Variants in KNTC1 observed in about 807,000 individuals in gnomAD.
KNTC1 encodes the protein kinetochore-associated protein 1.
In KNTC1, 253 loss-of-function variants were observed where a neutral mutation model predicts 314.4. That is an observed-to-expected ratio of 0.80 (90% CI 0.73 to 0.89). KNTC1 has a LOEUF of 0.89. KNTC1 is among the 40% of genes least tolerant of loss of function. The probability of loss-of-function intolerance (pLI) is 0.00; values close to 1 mark genes in which losing one functional copy is unlikely to be tolerated. For synonymous variants in KNTC1, 901 were observed against 901.4 expected (o/e 1.00, Z 0.01); for missense variants, 2,475 against 2,572.9 (o/e 0.96, Z 0.82).
chr12:122,615,109 G>C (rs746566397), intron 56 of KNTC1, 23 bp downstream of exon 56: 1 of 1,516,868 alleles, frequency 6.6e-7, no homozygotes, highest in East Asian at 2.3e-5. Flanking sequence ...CAATGCCCTC[G>C]ACTAAGTATA....
Position 122,605,417 on chromosome 12 carries a change from T to G in KNTC1, c.5496+2T>G. 1 of 1,497,560 alleles carries G rather than the reference T, an allele frequency of 6.7e-7. No homozygotes were observed. The highest frequency in any genetic ancestry group is 9.2e-7 in the Non-Finnish European group (1 of 1,084,476). The allele number at this position is 1,497,560 out of a possible 1,614,324, so 92.8% of individuals were successfully genotyped here. A position where few individuals can be genotyped will look rare whatever the true frequency, so the allele number is the denominator to read the frequency against. On this transcript the variant is annotated splice_donor_variant, in intron 51 of 63. Coordinates refer to ENST00000333479, the MANE Select transcript of KNTC1 (RefSeq NM_014708.6). LOFTEE classifies it high-confidence loss of function. ...TGCCCTTCAACAAAACCTGGTGAAG[T>G]AAGTACTTGCTGCCCAAGAGTATCT... is the stretch of plus-strand genomic sequence containing the variant.
In KNTC1 at chr12:122,562,026, T is replaced by TA; in HGVS notation, c.1542+53dup. The TA allele has an allele frequency of 2.0e-6, 3 of 1,529,388 alleles. No homozygotes were observed. The South Asian group carries it at 3.6e-5, about 18-fold the overall frequency. 94.7% of individuals were successfully genotyped at this position (1,529,388 alleles called of 1,614,324 possible). A position where few individuals can be genotyped will look rare whatever the true frequency, so the allele number is the denominator to read the frequency against. On this transcript the variant is annotated intron_variant, in intron 19 of 63. Coordinates refer to ENST00000333479, the MANE Select transcript of KNTC1 (RefSeq NM_014708.6). The stretch of plus-strand genomic sequence containing the variant: ...TATGTGGGTGAATATACCTTTATAA[T>TA]ATGTTTTCCATTCAAAATAGACCCG...
chr12:122,580,856 G>A lies in KNTC1; in HGVS notation c.2982+186G>A, dbSNP rs569893232. Among the ~76,000 whole-genome samples, 246 of 152,064 alleles carry A rather than the reference G, an allele frequency of 1.6e-3. 3 individuals are homozygous for A. Among genetic ancestry groups the A allele is most frequent in the African/African-American group, 5.7e-3 (237 of 41,488 alleles). On this transcript the variant is annotated intron_variant, in intron 33 of 63. Transcript: ENST00000333479. ...ATCCTGGCTAACACGGTGAAACCCC[G>A]TCTCTACTAAAAATACAAAAAATTA... is the stretch of plus-strand genomic sequence containing the variant.
At chr12:122,564,009 G>A (rs1000097634) in intron 20 of KNTC1, among the ~76,000 whole-genome samples, 10 of 152,066 alleles carry the variant, frequency 6.6e-5, no homozygotes, top group African/African-American at 1.4e-4. Flanking sequence ...ACGGAGTCTC[G>A]CTCTATTGCC....
chr12:122,594,249 G>T (rs1401616208), intron 42 of KNTC1, 27 bp from the exon 43 acceptor site: 4 of 1,321,378 alleles, frequency 3.0e-6, no homozygotes, highest in Admixed American at 1.8e-5. Context: ...GGGTTTTTTT[G>T]CTTTGTTTTT....
chr12:122,623,116 A>G (rs993486810), intron 62 of KNTC1, among the ~76,000 whole-genome samples: 1 of 152,218 alleles, frequency 6.6e-6, no homozygotes, highest in Non-Finnish European at 1.5e-5. Flanking sequence ...TGACAATTAA[A>G]CAGGTCATCT....
chr12:122,540,675 ATAT>A (rs1364776991), intron 5 of KNTC1, among the ~76,000 whole-genome samples: 2 of 152,088 alleles, frequency 1.3e-5, no homozygotes, highest in African/African-American at 4.8e-5. Context: ...GGGCTTCAGT[ATAT>A]TATTATATTT....
chr12:122,549,474 C>G (rs1963036975), intron 12 of KNTC1, among the ~76,000 whole-genome samples: 1 of 152,140 alleles, frequency 6.6e-6, no homozygotes, highest in East Asian at 1.9e-4. Flanking sequence ...CTCAGCCTCC[C>G]CAGTAGCTGT....
intron 2 of KNTC1, among the ~76,000 whole-genome samples, chr12:122,533,315 C>T (rs139569760): frequency 1.8e-3 from 275 of 152,042 alleles, no homozygotes; most frequent in Non-Finnish European, 3.0e-3. Flanking sequence ...TACATGCGTC[C>T]GCCACCACGC....
chr12:122,535,520 A>G (rs1961727816), intron 3 of KNTC1, among the ~76,000 whole-genome samples: 1 of 152,112 alleles, frequency 6.6e-6, no homozygotes, highest in Non-Finnish European at 1.5e-5. Context: ...GTGTGCGCCT[A>G]TAGTTCCAGC....
chr12:122,604,613 A>T lies in KNTC1; in HGVS notation c.5151A>T (p.Arg1717Ser). ...ALKFCLYLAE[R>S]WLQNIPSQDE... ...AATTCTGCCTTTATTTAGCTGAGAG[A>T]TGGCTACAGAATATCCCATCGCAGG... The change falls in exon 49 of 64, where the codon AGA (arginine) becomes AGT (serine). Residue 1717 changes from arginine to serine, a missense_variant. By Grantham distance (110) the Arg-to-Ser change is moderately radical. Transcript: ENST00000333479. The T allele has an allele frequency of 6.3e-7, 1 of 1,597,762 alleles. No homozygotes were observed. Among genetic ancestry groups the T allele is most frequent in the East Asian group, 2.2e-5 (1 of 44,796 alleles).
Position 122,557,890 on chromosome 12 carries a change from A to G in KNTC1, c.1488+201A>G, listed in dbSNP as rs146213966. On this transcript the variant is annotated intron_variant, in intron 18 of 63. Transcript: ENST00000333479. ...AAAGTATACAGTTCAGTGGTTTTTA[A>G]TATATTCCTTGAGTTGTGCAAGCAT... is the stretch of plus-strand genomic sequence containing the variant. 1.1e-4 allele frequency among the ~76,000 whole-genome samples: 16 copies of G among 152,292 alleles called. No homozygotes were observed. In the East Asian group the frequency reaches 2.3e-3, roughly 22 times the overall value.
Position 122,575,636 on chromosome 12 carries a change from G to A in KNTC1, c.2476G>A (p.Asp826Asn). 6.3e-7 allele frequency: 1 copy of A among 1,589,236 alleles called. No individual in the cohort carries two copies. The highest frequency in any genetic ancestry group is 8.6e-7 in the Non-Finnish European group (1 of 1,166,434). ...EQLVKQHLEMDHPKVKLLQES... is the reference protein window; with the variant it reads ...EQLVKQHLEMNHPKVKLLQES... Reference sequence around the variant, plus strand: ...ACTGGTGAAACAGCACCTGGAAATGGACCATCCCAAGTAAGATGACTGTCT... The same window carrying A: ...ACTGGTGAAACAGCACCTGGAAATGAACCATCCCAAGTAAGATGACTGTCT... Residue 826 changes from aspartate (D) to asparagine (N), a missense_variant, in exon 28 of 64, where the codon GAC becomes AAC. Asp to Asn is a conservative substitution (Grantham distance 23). Coordinates refer to ENST00000333479, the MANE Select transcript of KNTC1 (RefSeq NM_014708.6).
In KNTC1 at chr12:122,551,843, GGAAA is replaced by G. The variant is rs1255989205; in HGVS notation, c.1272+150_1272+153del. Reference sequence around the variant, plus strand: ...GACTGAAGTTGATTAGAGATTCAGAGGAAAGAGTGACCCATAGTTGGGCAGAAAG... The same window carrying G: ...GACTGAAGTTGATTAGAGATTCAGAGGAGTGACCCATAGTTGGGCAGAAAG... On this transcript the variant is annotated intron_variant, in intron 16 of 63. Coordinates refer to ENST00000333479, the MANE Select transcript of KNTC1 (RefSeq NM_014708.6). 5.9e-6 allele frequency: 4 copies of G among 674,914 alleles called. No homozygotes were observed. In the African/African-American group the frequency reaches 7.2e-5, roughly 12 times the overall value. The allele number at this position is 674,914 out of a possible 1,614,324, so 41.8% of individuals were successfully genotyped here.
intron 53 of KNTC1, among the ~76,000 whole-genome samples, chr12:122,612,393 TTTGG>T (rs1873248774): frequency 6.9e-6 from 1 of 145,178 alleles, no homozygotes; most frequent in Non-Finnish European, 1.5e-5. Flanking sequence ...GAAATTTGTC[TTTGG>T]TTTTCTTTTT....
At chr12:122,562,794 G>A (rs896046927) in intron 20 of KNTC1, 95 bp downstream of exon 20, 4 of 703,306 alleles carry the variant, frequency 5.7e-6, no homozygotes, top group East Asian at 2.9e-5. Context: ...CAGATCACCC[G>A]AGATCAGGAG....
At chr12:122,554,076 A>AAAAAAAATATATAT (rs370146333) in intron 16 of KNTC1, among the ~76,000 whole-genome samples, 1 of 109,062 alleles carries the variant, frequency 9.2e-6, no homozygotes, top group African/African-American at 3.9e-5. Context: ...AAAAAAAAAA[A>AAAAAAAATATATAT]ATATATATAT....
Position 122,579,996 on chromosome 12 carries a change from T to G in KNTC1, c.2914+19T>G. On this transcript the variant is annotated intron_variant, in intron 32 of 63. Coordinates refer to ENST00000333479, the MANE Select transcript of KNTC1 (RefSeq NM_014708.6). ...CAGAAAGGTAGCTTTTACTTCTGTT[T>G]TCTCATCTCAGTTTTGTTCCAAAGC... 6.5e-7 allele frequency: 1 copy of G among 1,537,514 alleles called. No homozygotes were observed. The highest frequency in any genetic ancestry group is 9.0e-7 in the Non-Finnish European group (1 of 1,111,242).
chr12:122,620,625 T>A lies in KNTC1; in HGVS notation c.6279+17T>A, dbSNP rs1874327797. 1 of 1,609,042 alleles carries A rather than the reference T, an allele frequency of 6.2e-7. No homozygotes were observed. Among genetic ancestry groups the A allele is most frequent in the Non-Finnish European group, 8.5e-7 (1 of 1,177,202 alleles). On this transcript the variant is annotated intron_variant, in intron 60 of 63. Coordinates refer to ENST00000333479, the MANE Select transcript of KNTC1 (RefSeq NM_014708.6). ...CAAATTAAGGTATCGTGCACATGAT[T>A]CCTCTGGGCTGCCAAGGAAATAGAA... is the stretch of plus-strand genomic sequence containing the variant.
Sources: allele counts gnomAD v4.1 joint callset (sites outside exome capture counted in the v4.1 genomes callset), GRCh38; gene constraint gnomAD v4.1.1; transcripts MANE v1.5; gene names NCBI Gene and HGNC (gene_info 2026-07-23, HGNC 2026-07-21).